The following ZNF442 variants were observed in gnomAD, a reference collection of about 807,000 sequenced individuals.
ZNF442 encodes the protein zinc finger protein 442.
Under a neutral mutation model 57.0 loss-of-function variants are expected in ZNF442, and 45 were observed. The ratio of observed to expected loss-of-function variants is 0.79; its 90% CI spans 0.62 to 1.01. The LOEUF is 1.01. Ranked by LOEUF, ZNF442 falls within the 50% of genes least tolerant of loss-of-function variation. ZNF442 has a pLI of 0.00. For synonymous variants in ZNF442, 213 were observed against 241.8 expected, an observed-to-expected ratio of 0.88 and a Z score of 1.10; for missense variants, 690 against 756.5, an observed-to-expected ratio of 0.91 and a Z score of 1.03.
chr19:12,358,835 T>A (rs1175145237), intron 3 of ZNF442, among the ~76,000 whole-genome samples: 1 of 152,318 alleles, frequency 6.6e-6, no homozygotes, highest in East Asian at 1.9e-4. Flanking sequence ...GAGGGTTGAA[T>A]GTCACAACCA....
At chr19:12,369,299 T>C (rs890915205), upstream of ZNF442, among the ~76,000 whole-genome samples, 3 of 152,216 alleles carry the variant, frequency 2.0e-5, no homozygotes, top group African/African-American at 7.2e-5. Flanking sequence ...TCACAAATCA[T>C]AAACATGTCT....
In ZNF442 at chr19:12,350,299, C is replaced by G; in HGVS notation, c.1286G>C (p.Gly429Ala). The G allele has an allele frequency of 6.2e-7, 1 of 1,613,736 alleles. No individual in the cohort carries two copies. The highest frequency in any genetic ancestry group is 8.5e-7 in the Non-Finnish European group (1 of 1,179,992). The change falls in exon 6 of 6, where the codon GGT becomes GCT. Residue 429 changes from glycine to alanine, a missense_variant. Gly to Ala is a moderately conservative substitution (Grantham distance 60). Transcript: ENST00000242804. The stretch of plus-strand genomic sequence containing the variant: ...TTCTTTACATTCATAGGGTTTCTCA[C>G]CAGTATGAGTCCTTTCATGTCCTTG... ...VFQGHERTHT[G>A]EKPYECKECG...
intron 4 of ZNF442, 83 bp from the exon 5 acceptor site, chr19:12,352,153 T>A: frequency 7.6e-7 from 1 of 1,317,068 alleles, no homozygotes; most frequent in Non-Finnish European, 1.1e-6. Flanking sequence ...AATGGAATCA[T>A]GCATGATTCA....
At chr19:12,355,832 G>T (rs115918278) in intron 3 of ZNF442, among the ~76,000 whole-genome samples, 1 of 151,944 alleles carries the variant, frequency 6.6e-6, no homozygotes, top group African/African-American at 2.4e-5. Flanking sequence ...GTCCAGGAGT[G>T]GGGGTACATG....
Position 12,352,164 on chromosome 19 carries a change from T to G in ZNF442, c.206-94A>C, listed in dbSNP as rs577307955. On this transcript the variant is annotated intron_variant, in intron 4 of 5. Transcript: ENST00000242804. ...GTACAATGGAATCATGCATGATTCA[T>G]TCACTGAATTGTAGCTGACTCTTGA... is the stretch of plus-strand genomic sequence containing the variant. 6.3e-4 allele frequency: 738 copies of G among 1,162,382 alleles called. 2 individuals carry two copies. Among genetic ancestry groups the G allele is most frequent in the Non-Finnish European group, 8.7e-4 (703 of 808,022 alleles). 72.0% of individuals were successfully genotyped at this position (1,162,382 alleles called of 1,614,324 possible).
chr19:12,358,240 G>A (rs1382706899), intron 3 of ZNF442, among the ~76,000 whole-genome samples: 1 of 152,170 alleles, frequency 6.6e-6, no homozygotes, highest in Non-Finnish European at 1.5e-5. Context: ...TGGGATTACA[G>A]GCGTGAGCCA....
chr19:12,366,018 C>A (rs994249357), upstream of ZNF442: 3 of 152,278 alleles, frequency 2.0e-5, no homozygotes, highest in African/African-American at 7.2e-5. Context: ...GGAGCCATCC[C>A]CTGGCCTCAG....
At chr19:12,361,792 G>A (rs949944547) in intron 3 of ZNF442, among the ~76,000 whole-genome samples, 3 of 150,864 alleles carry the variant, frequency 2.0e-5, no homozygotes, top group African/African-American at 4.9e-5. Flanking sequence ...CTGTAGTGCC[G>A]CCATCTCGGC....
intron 5 of ZNF442, 31 bp downstream of exon 5, chr19:12,351,977 GAT>G (rs1289277054): frequency 5.0e-6 from 8 of 1,597,870 alleles, no homozygotes; most frequent in Admixed American, 1.7e-5. Context: ...TTGCTCCACA[GAT>G]ATATGTCTTT....
intron 4 of ZNF442, 104 bp downstream of exon 4, chr19:12,352,884 G>C: frequency 1.4e-6 from 2 of 1,390,474 alleles, no homozygotes; most frequent in Non-Finnish European, 2.0e-6. Flanking sequence ...GTTGTTGAAG[G>C]GTCAACTATA....
At chr19:12,366,253 T>A (rs1969528772), upstream of ZNF442, among the ~76,000 whole-genome samples, 1 of 152,142 alleles carries the variant, frequency 6.6e-6, no homozygotes, top group Non-Finnish European at 1.5e-5. Context: ...ATGGCAGTAA[T>A]CTTCTATAAA....
Position 12,350,099 on chromosome 19 carries a change from C to T in ZNF442, c.1486G>A (p.Ala496Thr), listed in dbSNP as rs776645380. The change falls in exon 6 of 6, where the codon GCA becomes ACA. Residue 496 changes from alanine (A) to threonine (T), a missense_variant. Transcript: ENST00000242804. ...GAAAGGTATGTGAAACAACTGAATG[C>T]TTTCCCACATTCCTTACACTCATAT... ...KPYECKECGK[A>T]FSCFTYLSQH... 3 of 1,613,966 alleles carry T rather than the reference C, an allele frequency of 1.9e-6. No homozygotes were observed. Among genetic ancestry groups the T allele is most frequent in the South Asian group, 1.1e-5 (1 of 91,060 alleles).
At chr19:12,352,246 C>T (rs893063447) in intron 4 of ZNF442, among the ~76,000 whole-genome samples, 176 bp from the exon 5 acceptor site, 9 of 152,094 alleles carry the variant, frequency 5.9e-5, no homozygotes, top group African/African-American at 2.2e-4. Context: ...AAGATGGAGT[C>T]TCGCTCTGTT....
intron 3 of ZNF442, among the ~76,000 whole-genome samples, chr19:12,361,989 A>C (rs375812117): frequency 4.6e-5 from 7 of 152,320 alleles, no homozygotes; most frequent in African/African-American, 1.7e-4. Context: ...CCCGAGGTGC[A>C]GGGATTGCAG....
chr19:12,356,123 G>A (rs532046838), intron 3 of ZNF442, among the ~76,000 whole-genome samples: 1 of 152,282 alleles, frequency 6.6e-6, no homozygotes, highest in South Asian at 2.1e-4. Flanking sequence ...GAGAGGCTGA[G>A]GTGGGAGGAT....
chr19:12,350,407 C>A lies in ZNF442; in HGVS notation c.1178G>T (p.Arg393Leu). The stretch of plus-strand genomic sequence containing the variant: ...TCCAGTGTGCATTATCATATGACTT[C>A]GAAAGCTTGAGTGATGAGATAACGC... ...GKALSHHSSF[R>L]SHMIMHTGDG... Residue 393 changes from arginine (R) to leucine (L), a missense_variant, in exon 6 of 6, where the codon CGA becomes CTA. Arg to Leu is a moderately radical substitution (Grantham distance 102, BLOSUM62 -2). Transcript: ENST00000242804. 6.2e-7 allele frequency: 1 copy of A among 1,613,132 alleles called. No individual in the cohort carries two copies. The highest frequency in any genetic ancestry group is 8.5e-7 in the Non-Finnish European group (1 of 1,179,792).
At chr19:12,354,239 G>T (rs370840438) in intron 3 of ZNF442, among the ~76,000 whole-genome samples, 1 of 152,110 alleles carries the variant, frequency 6.6e-6, no homozygotes, top group African/African-American at 2.4e-5. Flanking sequence ...AGAACATTTA[G>T]AAGCCAGCAA....
chr19:12,372,135 A>T, the ZNF442 span, among the ~76,000 whole-genome samples: 1 of 152,206 alleles, frequency 6.6e-6, no homozygotes, highest in Non-Finnish European at 1.5e-5. Flanking sequence ...TAGTCAAAGG[A>T]CATGAATAGA....
intron 3 of ZNF442, among the ~76,000 whole-genome samples, chr19:12,362,556 C>T: frequency 6.6e-6 from 1 of 150,988 alleles, no homozygotes; most frequent in Non-Finnish European, 1.5e-5. Context: ...GGGGACAGCT[C>T]CCGCCCGGCC....
Sources: allele counts gnomAD v4.1 joint callset (sites outside exome capture counted in the v4.1 genomes callset), GRCh38; gene constraint gnomAD v4.1.1; transcripts MANE v1.5; gene names NCBI Gene and HGNC (gene_info 2026-07-23, HGNC 2026-07-21).